The following MRPL1 variants were observed in gnomAD, a reference collection of about 807,000 sequenced individuals.
The protein encoded by MRPL1 is mitochondrial ribosomal protein L1, also known as large ribosomal subunit protein uL1m.
Under a neutral mutation model 38.0 loss-of-function variants are expected in MRPL1, and 28 were observed. The ratio of observed to expected loss-of-function variants is 0.74; its 90% CI spans 0.55 to 1.01. The LOEUF (loss-of-function observed/expected upper bound fraction) is 1.01, where lower values mean the gene tolerates loss of function less well. Among genes scored for constraint, MRPL1 ranks in the 50% least tolerant of loss-of-function variants. MRPL1 has a pLI of 0.00. For synonymous variants in MRPL1, 123 were observed against 126.7 expected, an observed-to-expected ratio of 0.97 and a Z score of 0.20; for missense variants, 358 against 389.8, an observed-to-expected ratio of 0.92 and a Z score of 0.69.
Position 77,883,241 on chromosome 4 carries a change from G to T in MRPL1, c.144-1G>T. ...ATAACTCAACTTTATTTTCTTTTAA[G>T]GTCTGCAAAGAAAACAAAAAAAGGT... On this transcript the variant is annotated splice_acceptor_variant, in intron 2 of 8. Coordinates refer to ENST00000315567, the MANE Select transcript of MRPL1 (RefSeq NM_020236.4). LOFTEE classifies it high-confidence loss of function. 1.3e-6 allele frequency: 2 copies of T among 1,539,684 alleles called. No individual in the cohort carries two copies. The highest frequency in any genetic ancestry group is 8.7e-7 in the Non-Finnish European group (1 of 1,145,490).
intron 6 of MRPL1, among the ~76,000 whole-genome samples, chr4:77,896,625 A>G: frequency 6.6e-6 from 1 of 152,238 alleles, no homozygotes; most frequent in East Asian, 1.9e-4. Flanking sequence ...AAAAGTCTTT[A>G]GTGTAAAATA....
At chr4:77,932,938 T>A (rs945289511) in intron 7 of MRPL1, among the ~76,000 whole-genome samples, 8 of 149,042 alleles carry the variant, frequency 5.4e-5, no homozygotes, top group African/African-American at 7.4e-5. Flanking sequence ...TTTCCTTTTT[T>A]AAAAAAAAAG....
At chr4:77,886,388 G>A (rs1038099979) in intron 4 of MRPL1, among the ~76,000 whole-genome samples, 2 of 151,626 alleles carry the variant, frequency 1.3e-5, no homozygotes, top group Non-Finnish European at 2.9e-5. Context: ...AGGCTGGAAT[G>A]CAATGGCGTG....
chr4:77,864,522 A>G (rs1405898147), intron 1 of MRPL1: 2 of 152,216 alleles, frequency 1.3e-5, no homozygotes, highest in African/African-American at 2.4e-5. Context: ...TAGTTCAAGA[A>G]CACAGGTCAG....
intron 5 of MRPL1, 69 bp from the exon 6 acceptor site, chr4:77,894,070 A>G: frequency 2.3e-6 from 2 of 860,816 alleles, no homozygotes; most frequent in Non-Finnish European, 3.8e-6. Context: ...AAATGACTAC[A>G]TTGTACTTTT....
At chr4:77,938,042 A>C (rs1279829687) in intron 7 of MRPL1, among the ~76,000 whole-genome samples, 1 of 152,170 alleles carries the variant, frequency 6.6e-6, no homozygotes, top group African/African-American at 2.4e-5. Flanking sequence ...CAAAACAAAA[A>C]TGGTGGCTTT....
At chr4:77,914,651 G>A (rs931382489) in intron 7 of MRPL1, among the ~76,000 whole-genome samples, 7 of 151,980 alleles carry the variant, frequency 4.6e-5, no homozygotes, top group Non-Finnish European at 1.0e-4. Context: ...AATTTAATGA[G>A]GTTTCCTTGA....
chr4:77,899,618 C>T (rs987124827), intron 6 of MRPL1, among the ~76,000 whole-genome samples: 4 of 151,988 alleles, frequency 2.6e-5, no homozygotes, highest in African/African-American at 9.7e-5. Flanking sequence ...GTAATGTATG[C>T]AGTCCTAACT....
chr4:77,918,024 A>T (rs1355287016), intron 7 of MRPL1, among the ~76,000 whole-genome samples: 2 of 150,570 alleles, frequency 1.3e-5, no homozygotes, highest in Admixed American at 1.3e-4. Context: ...ACTGCACTCC[A>T]GCCTGGGCAA....
At chr4:77,883,199 T>G in intron 2 of MRPL1, 43 bp from the exon 3 acceptor site, 3 of 1,257,938 alleles carry the variant, frequency 2.4e-6, no homozygotes, top group Non-Finnish European at 3.2e-6. Flanking sequence ...AAAAAATCTC[T>G]TAGGATATAT....
chr4:77,863,461 A>ATTTTTTTTTTTTTTTTT (rs969402527), intron 1 of MRPL1, among the ~76,000 whole-genome samples: 5 of 112,660 alleles, frequency 4.4e-5, no homozygotes, highest in African/African-American at 7.7e-5. Flanking sequence ...TTGTGCAACA[A>ATTTTTTTTTTTTTTTTT]TTTTTTTTTT....
At position 77,952,543 on chromosome 4, in the gene MRPL1, T is replaced by G; in HGVS notation, c.914T>G (p.Leu305Arg). The G allele has an allele frequency of 7.4e-6, 12 of 1,613,564 alleles. No individual in the cohort carries two copies. Among genetic ancestry groups the G allele is most frequent in the African/African-American group, 1.3e-5 (1 of 75,030 alleles). ...LRSSTSEGLL[L>R]KIDPLLPKEV... ...AGTTCAACAAGTGAAGGTTTATTAC[T>G]GAAGATTGATCCATTGTTGCCTAAA... Residue 305 changes from leucine to arginine, a missense_variant, in exon 9 of 9, where the codon CTG (leucine) becomes CGG (arginine). Transcript: ENST00000315567.
At chr4:77,924,169 C>T (rs1270429402) in intron 7 of MRPL1, among the ~76,000 whole-genome samples, 1 of 151,876 alleles carries the variant, frequency 6.6e-6, no homozygotes, top group Non-Finnish European at 1.5e-5. Context: ...CTTTTAAATG[C>T]CTTTGAATTT....
chr4:77,917,025 G>A (rs1395392722), intron 7 of MRPL1, among the ~76,000 whole-genome samples: 2 of 152,148 alleles, frequency 1.3e-5, no homozygotes, highest in East Asian at 1.9e-4. Flanking sequence ...AGGTGTGAGT[G>A]TGAGCACATG....
intron 7 of MRPL1, among the ~76,000 whole-genome samples, chr4:77,928,713 G>C (rs560732938): frequency 1.3e-5 from 2 of 152,226 alleles, no homozygotes; most frequent in South Asian, 4.1e-4. Context: ...TTTATTATAA[G>C]AGAAGTATAT....
chr4:77,913,783 AAAG>A (rs1159597427), intron 7 of MRPL1, among the ~76,000 whole-genome samples: 1 of 152,248 alleles, frequency 6.6e-6, no homozygotes. Context: ...TCAGTAATAA[AAAG>A]AAATAAAGTT....
intron 7 of MRPL1, among the ~76,000 whole-genome samples, chr4:77,922,823 A>G (rs1482843367): frequency 6.6e-6 from 1 of 152,218 alleles, no homozygotes; most frequent in African/African-American, 2.4e-5. Flanking sequence ...TTATTATCAG[A>G]AGCTCAGATT....
At chr4:77,889,140 A>G (rs1735749002) in intron 5 of MRPL1, among the ~76,000 whole-genome samples, 1 of 152,190 alleles carries the variant, frequency 6.6e-6, no homozygotes, top group South Asian at 2.1e-4. Flanking sequence ...CCTAATAGAC[A>G]TCTACAGAAC....
At chr4:77,905,815 C>T (rs1239465524) in intron 6 of MRPL1, among the ~76,000 whole-genome samples, 4 of 152,106 alleles carry the variant, frequency 2.6e-5, no homozygotes, top group Non-Finnish European at 5.9e-5. Flanking sequence ...GAGTCCTGTT[C>T]TTTCTGTCTT....
Sources: gnomAD v4.1 joint callset for allele counts (sites outside exome capture counted in the v4.1 genomes callset) on GRCh38, gnomAD v4.1.1 for gene constraint, MANE v1.5 for transcripts, NCBI Gene and HGNC (gene_info 2026-07-23, HGNC 2026-07-21) for gene names.